Variants in PTPRA observed in about 807,000 individuals in gnomAD.
PTPRA encodes the protein receptor-type tyrosine-protein phosphatase alpha.
Under a neutral mutation model 104.8 loss-of-function variants are expected in PTPRA, and 25 were observed. The ratio of observed to expected loss-of-function variants is 0.24; its 90% CI spans 0.17 to 0.33. PTPRA has a LOEUF of 0.33. PTPRA is among the 10% of genes least tolerant of loss of function. PTPRA has a pLI of 1.00. For synonymous variants in PTPRA, 323 were observed against 368.9 expected (o/e 0.88, Z 1.43); for missense variants, 765 against 1,015.3 (o/e 0.75, Z 3.35).
At chr20:2,865,498 G>A in the PTPRA span, 5 of 1,613,114 alleles carry the variant, frequency 3.1e-6, no homozygotes, top group South Asian at 3.3e-5. The surrounding 1 kb of genome is among the most constrained non-coding windows in gnomAD (Gnocchi z 5.2). Context: ...GCTACCTGGT[G>A]AGGCAGGGTC....
chr20:2,897,906 CTTTTT>C (rs34328077), intron 1 of PTPRA, among the ~76,000 whole-genome samples: 46 of 83,726 alleles, frequency 5.5e-4, no homozygotes, highest in African/African-American at 2.2e-3. Flanking sequence ...CCTCATCATT[CTTTTT>C]TTTTTTTTTT....
At chr20:2,896,858 C>T (rs1208746741) in intron 1 of PTPRA, among the ~76,000 whole-genome samples, 1 of 152,120 alleles carries the variant, frequency 6.6e-6, no homozygotes, top group African/African-American at 2.4e-5. Flanking sequence ...TTATGCCTTG[C>T]GTTTAGTTGT....
chr20:3,005,506 G>A (rs143247217), intron 10 of PTPRA, among the ~76,000 whole-genome samples: 11 of 152,226 alleles, frequency 7.2e-5, no homozygotes, highest in African/African-American at 2.4e-4. Context: ...ACCCAAGATC[G>A]TGTCACTGCA....
chr20:2,871,647 G>A (rs150577393), upstream of PTPRA, among the ~76,000 whole-genome samples: 189 of 152,302 alleles, frequency 1.2e-3, no homozygotes, highest in African/African-American at 4.3e-3. Flanking sequence ...TACCTCCTGC[G>A]TTTGCAGTCA....
the PTPRA span, chr20:2,865,489 C>CGGT: frequency 6.2e-7 from 1 of 1,613,492 alleles, no homozygotes; most frequent in Non-Finnish European, 8.5e-7. The surrounding 1 kb of genome is among the most constrained non-coding windows in gnomAD (Gnocchi z 5.2). Flanking sequence ...CACCCATTGG[C>CGGT]TACCTGGTGA....
In PTPRA at chr20:3,021,333, G is replaced by A. The variant is rs1459981144; in HGVS notation, c.1066G>A (p.Asp356Asn). ...KECKCAQYWP[D>N]QGCWTYGNIR... ...GTGCAAGTGCGCCCAGTACTGGCCAGACCAAGGCTGCTGGACCTATGGGAA... is the reference window on the plus strand; with the variant it reads ...GTGCAAGTGCGCCCAGTACTGGCCAAACCAAGGCTGCTGGACCTATGGGAA... Residue 356 changes from aspartate (D) to asparagine (N), a missense_variant, in exon 14 of 24, where the codon GAC becomes AAC. Asp to Asn is a conservative substitution (Grantham distance 23, BLOSUM62 1). This residue lies in a region of PTPRA where 245 missense variants were observed against 398.7 expected (regional missense o/e 0.61). Coordinates refer to ENST00000399903, the MANE Select transcript of PTPRA (RefSeq NM_001385305.1). The A allele has an allele frequency of 6.2e-7, 1 of 1,614,126 alleles. No individual in the cohort carries two copies. The highest frequency in any genetic ancestry group is 1.1e-5 in the South Asian group (1 of 91,066).
intron 13 of PTPRA, among the ~76,000 whole-genome samples, chr20:3,018,720 G>C (rs1362213218): frequency 6.6e-6 from 1 of 150,676 alleles, no homozygotes; most frequent in Non-Finnish European, 1.5e-5. Flanking sequence ...ATCATGGCCC[G>C]TTCTCAATGA....
chr20:2,924,055 G>A (rs904320679), intron 2 of PTPRA, among the ~76,000 whole-genome samples: 1 of 152,214 alleles, frequency 6.6e-6, no homozygotes, highest in Admixed American at 6.5e-5. Context: ...GTTCACTGCA[G>A]CTTTATGTAT....
Position 2,911,220 on chromosome 20 carries a change from G to A in PTPRA, c.-128-11987G>A, listed in dbSNP as rs369009954. 9.2e-5 allele frequency among the ~76,000 whole-genome samples: 14 copies of A among 152,168 alleles called. No homozygotes were observed. In the South Asian group the frequency reaches 2.7e-3, roughly 29 times the overall value. On this transcript the variant is annotated intron_variant, in intron 1 of 23. Transcript: ENST00000399903. Reference sequence around the variant, plus strand: ...TAGGATTCCAGATTTTCCTAGTTTTGTTAAGTGTTTCTAATGATGTTTGGC... The same window carrying A: ...TAGGATTCCAGATTTTCCTAGTTTTATTAAGTGTTTCTAATGATGTTTGGC...
In PTPRA at chr20:2,923,498, A is replaced by T. The variant is rs187700310; in HGVS notation, c.-50+213A>T. ...TCACTTGAAGAGCTTTTTTTTTTTA[A>T]AAAAAAAGACCAAAGTCAGGCTGGG... On this transcript the variant is annotated intron_variant, in intron 2 of 23. Coordinates refer to ENST00000399903, the MANE Select transcript of PTPRA (RefSeq NM_001385305.1). Among the ~76,000 whole-genome samples, 771 of 145,548 alleles carry T rather than the reference A, an allele frequency of 5.3e-3. 6 individuals carry two copies. Among genetic ancestry groups the T allele is most frequent in the African/African-American group, 0.017 (681 of 40,016 alleles).
At position 2,988,116 on chromosome 20, in the gene PTPRA, C is replaced by T. The variant is rs1409701893; in HGVS notation, c.601+11C>T. On this transcript the variant is annotated intron_variant, in intron 8 of 23. Coordinates refer to ENST00000399903, the MANE Select transcript of PTPRA (RefSeq NM_001385305.1). ...GCACTGAGGATGTGGGTAAGGCATT[C>T]CTTAATGTCATGGGGAACCTTCACA... 6.4e-7 allele frequency: 1 copy of T among 1,563,514 alleles called. No homozygotes were observed. The highest frequency in any genetic ancestry group is 1.4e-5 in the African/African-American group (1 of 73,662).
intron 5 of PTPRA, among the ~76,000 whole-genome samples, chr20:2,968,245 T>C (rs554540208): frequency 1.0e-3 from 155 of 152,354 alleles, no homozygotes; most frequent in Admixed American, 2.0e-3. Flanking sequence ...TCCCCCAGAA[T>C]TTTTAAAGTA....
chr20:2,917,013 AG>A (rs2059927765), intron 1 of PTPRA, among the ~76,000 whole-genome samples: 1 of 140,784 alleles, frequency 7.1e-6, no homozygotes, highest in South Asian at 2.2e-4. Flanking sequence ...GCTGGAGTGC[AG>A]TGGCGTGGTC....
intron 1 of PTPRA, among the ~76,000 whole-genome samples, chr20:2,918,311 C>A (rs929117883): frequency 2.0e-5 from 3 of 152,052 alleles, no homozygotes; most frequent in Non-Finnish European, 2.9e-5. Context: ...CCACTGTGCC[C>A]GGCTACATAC....
rs1372246708 is a variant in PTPRA at position 2,923,221 on chromosome 20, A to G, written c.-114A>G. The stretch of plus-strand genomic sequence containing the variant: ...TTTTGTTGCAGGTGACACAACTAAA[A>G]AAAAACAAAGGTATTTATGGAATTC... On this transcript the variant is annotated 5_prime_UTR_variant, in exon 2 of 24. Transcript: ENST00000399903. 1.2e-5 allele frequency: 15 copies of G among 1,256,888 alleles called. No individual in the cohort carries two copies. In the Admixed American group the frequency reaches 3.8e-4, roughly 32 times the overall value. The allele number at this position is 1,256,888 out of a possible 1,614,324, so 77.9% of individuals were successfully genotyped here.
rs1316284566 is a variant in PTPRA at position 3,002,125 on chromosome 20, GCGAGAC to G, written c.739-2929_739-2924del. ...ACTGCACTCCAGCCTGGGTGACAGAGCGAGACCCTGTCTCCAAAAAAAAACAACAAA... is the reference window on the plus strand; with the variant it reads ...ACTGCACTCCAGCCTGGGTGACAGAGCCTGTCTCCAAAAAAAAACAACAAA... On this transcript the variant is annotated intron_variant, in intron 9 of 23. Coordinates refer to ENST00000399903, the MANE Select transcript of PTPRA (RefSeq NM_001385305.1). 3.9e-5 allele frequency among the ~76,000 whole-genome samples: 6 copies of G among 152,064 alleles called. 1 individual carries two copies. The highest frequency in any genetic ancestry group is 1.4e-4 in the African/African-American group (6 of 41,460).
chr20:2,999,209 G>A (rs552021707), intron 9 of PTPRA, among the ~76,000 whole-genome samples: 2 of 152,068 alleles, frequency 1.3e-5, no homozygotes, highest in South Asian at 4.1e-4. Context: ...AGACATTAAA[G>A]GAAAATAGCT....
At chr20:2,948,086 G>A (rs956097499) in intron 3 of PTPRA, 62 bp downstream of exon 3, 9 of 808,332 alleles carry the variant, frequency 1.1e-5, no homozygotes, top group Admixed American at 2.9e-5. Context: ...AGGAAACATG[G>A]AATTCTGAAG....
At chr20:3,028,650 C>T (rs1333627560) in intron 20 of PTPRA, among the ~76,000 whole-genome samples, 1 of 152,184 alleles carries the variant, frequency 6.6e-6, no homozygotes, top group Non-Finnish European at 1.5e-5. Context: ...AGCAAATGAG[C>T]GGTTCACTAT....
Sources: allele counts gnomAD v4.1 joint callset (sites outside exome capture counted in the v4.1 genomes callset), GRCh38; gene constraint gnomAD v4.1.1; regional missense constraint gnomAD v4.1.1; non-coding constraint Gnocchi (gnomAD v3.1); transcripts MANE v1.5; gene names NCBI Gene and HGNC (gene_info 2026-07-23, HGNC 2026-07-21).